DLGAP2: variants seen among roughly 807,000 people sequenced by gnomAD.
The protein encoded by DLGAP2 is disks large-associated protein 2.
Under a neutral mutation model 100.3 loss-of-function variants are expected in DLGAP2, and 26 were observed. That is an observed-to-expected ratio of 0.26 (90% confidence interval 0.19 to 0.36). The LOEUF (loss-of-function observed/expected upper bound fraction) is 0.36, where lower values mean the gene tolerates loss of function less well. Ranked by LOEUF, DLGAP2 falls within the 10% of genes least tolerant of loss-of-function variation. DLGAP2 has a pLI of 1.00. For missense variants in DLGAP2, 1,858 were observed against 1,453.2 expected (o/e 1.28, Z -4.53); for synonymous variants, 886 against 630.1 (o/e 1.41, Z -6.08).
chr8:940,025 C>T (rs899360568), intron 2 of DLGAP2, among the ~76,000 whole-genome samples: 10 of 152,002 alleles, frequency 6.6e-5, no homozygotes, highest in East Asian at 3.9e-4. Context: ...CCGGGATCTC[C>T]GTCTTTAAGG....
At chr8:1,070,740 G>A (rs1803402804) in intron 2 of DLGAP2, among the ~76,000 whole-genome samples, 1 of 152,210 alleles carries the variant, frequency 6.6e-6, no homozygotes, top group African/African-American at 2.4e-5. Flanking sequence ...TTTTCCCTCA[G>A]CTAGTATTTG....
chr8:832,760 A>T (rs1247359124), intron 1 of DLGAP2, among the ~76,000 whole-genome samples: 1 of 152,226 alleles, frequency 6.6e-6, no homozygotes, highest in African/African-American at 2.4e-5. Context: ...TGCAGTAGGC[A>T]GCACATGCTG....
intron 2 of DLGAP2, among the ~76,000 whole-genome samples, chr8:1,103,167 C>T (rs528012811): frequency 2.6e-5 from 4 of 152,172 alleles, no homozygotes; most frequent in East Asian, 3.9e-4. Flanking sequence ...CGGAGGTGGC[C>T]GTGAGTCCCG....
At chr8:1,674,764 G>C (rs976920846) in intron 10 of DLGAP2, among the ~76,000 whole-genome samples, 1 of 152,080 alleles carries the variant, frequency 6.6e-6, no homozygotes, top group Non-Finnish European at 1.5e-5. Flanking sequence ...TATAATGGCA[G>C]AAAACTAGAA....
At chr8:1,102,651 G>T (rs928149375) in intron 2 of DLGAP2, among the ~76,000 whole-genome samples, 1 of 152,164 alleles carries the variant, frequency 6.6e-6, no homozygotes, top group Admixed American at 6.5e-5. Flanking sequence ...TGTCATGTGG[G>T]CACTCGCCTC....
intron 2 of DLGAP2, among the ~76,000 whole-genome samples, chr8:1,216,711 C>T (rs1368319507): frequency 6.6e-6 from 1 of 152,062 alleles, no homozygotes; most frequent in Non-Finnish European, 1.5e-5. Flanking sequence ...CTCATATTAC[C>T]TAGCCCTCCC....
intron 7 of DLGAP2, among the ~76,000 whole-genome samples, chr8:1,629,685 T>C (rs556718702): frequency 6.6e-6 from 1 of 152,356 alleles, no homozygotes; most frequent in East Asian, 1.9e-4. Context: ...TTTACCAAAA[T>C]ACAGCTTTAA....
chr8:953,098 C>A (rs986131666), intron 2 of DLGAP2, among the ~76,000 whole-genome samples: 1 of 152,250 alleles, frequency 6.6e-6, no homozygotes, highest in Non-Finnish European at 1.5e-5. Context: ...TCATTAATAT[C>A]ACTACCAATT....
chr8:1,300,744 G>A (rs1335534644), intron 3 of DLGAP2: 3 of 152,274 alleles, frequency 2.0e-5, no homozygotes, highest in African/African-American at 7.2e-5. Flanking sequence ...CCATGAACAG[G>A]ACGGGCCTCA....
rs780073472 is a variant in DLGAP2 at position 1,452,332 on chromosome 8, CACAGG to C, written c.107-49029_107-49025del. 1.8e-4 allele frequency among the ~76,000 whole-genome samples: 28 copies of C among 152,364 alleles called. No individual in the cohort carries two copies. In the East Asian group the frequency reaches 2.5e-3, roughly 14 times the overall value. Reference sequence around the variant, plus strand: ...GCCAAGCACCCTCCATACAGGTGTGCACAGGACAGAGGTGACTGTGGGAACAGCAC... The same window carrying C: ...GCCAAGCACCCTCCATACAGGTGTGCACAGAGGTGACTGTGGGAACAGCAC... On this transcript the variant is annotated intron_variant, in intron 3 of 14. Transcript: ENST00000637795.
At chr8:1,360,462 C>A (rs1375431826) in intron 3 of DLGAP2, among the ~76,000 whole-genome samples, 2 of 107,432 alleles carry the variant, frequency 1.9e-5, no homozygotes, top group African/African-American at 4.3e-5. Context: ...CTCCAGGAAG[C>A]AAATTGAAGG....
At chr8:1,091,565 T>C (rs1041610496) in intron 2 of DLGAP2, among the ~76,000 whole-genome samples, 1 of 152,248 alleles carries the variant, frequency 6.6e-6, no homozygotes, top group African/African-American at 2.4e-5. Context: ...GTAGTGCTTT[T>C]CAGCCAAGAG....
At chr8:1,698,702 CA>C (rs1799480304) in intron 14 of DLGAP2, among the ~76,000 whole-genome samples, 2 of 149,752 alleles carry the variant, frequency 1.3e-5, no homozygotes, top group South Asian at 2.1e-4. Context: ...TAGGCAGGTC[CA>C]CATAAGCCAT....
intron 4 of DLGAP2, among the ~76,000 whole-genome samples, chr8:1,510,863 G>T (rs573108151): frequency 6.6e-6 from 1 of 152,324 alleles, no homozygotes; most frequent in South Asian, 2.1e-4. Context: ...TGAAACTGAG[G>T]TCGGTGTTAC....
intron 1 of DLGAP2, among the ~76,000 whole-genome samples, chr8:903,888 C>T (rs1478971292): frequency 1.3e-5 from 2 of 152,194 alleles, no homozygotes; most frequent in Admixed American, 6.5e-5. Flanking sequence ...GGAACACTTC[C>T]CCAGCTCAGA....
intron 14 of DLGAP2, among the ~76,000 whole-genome samples, chr8:1,698,958 G>A (rs1799492687): frequency 2.0e-5 from 3 of 152,202 alleles, no homozygotes; most frequent in Non-Finnish European, 4.4e-5. Flanking sequence ...CATGGGACAG[G>A]TCCATGTAAG....
chr8:1,652,348 A>G (rs1222776085), intron 8 of DLGAP2, among the ~76,000 whole-genome samples: 1 of 152,234 alleles, frequency 6.6e-6, no homozygotes, highest in East Asian at 1.9e-4. Context: ...TAAGTTCCAC[A>G]GGGGCCGGGT....
At chr8:1,266,249 C>T (rs73670702) in intron 3 of DLGAP2, among the ~76,000 whole-genome samples, 61,187 of 152,000 alleles carry the variant, frequency 0.4, 12,694 homozygotes, top group Non-Finnish European at 0.46. Context: ...CTTCAGTCCC[C>T]TTTTGGCTTA....
At chr8:1,161,806 G>T (rs1796895468) in intron 2 of DLGAP2, among the ~76,000 whole-genome samples, 1 of 151,780 alleles carries the variant, frequency 6.6e-6, no homozygotes, top group Non-Finnish European at 1.5e-5. Flanking sequence ...GCCTGCTGGG[G>T]ATAGACAGAG....
Sources: allele counts gnomAD v4.1 joint callset (sites outside exome capture counted in the v4.1 genomes callset), GRCh38; gene constraint gnomAD v4.1.1; transcripts MANE v1.5; gene names NCBI Gene and HGNC (gene_info 2026-07-23, HGNC 2026-07-21).